Variants in FAM13A observed in about 807,000 individuals in gnomAD.
The protein encoded by FAM13A is protein FAM13A.
In FAM13A, 76 loss-of-function variants were observed where a neutral mutation model predicts 129.6. The ratio of observed to expected loss-of-function variants is 0.59; its 90% CI spans 0.49 to 0.71. FAM13A has a LOEUF of 0.71. Among genes scored for constraint, FAM13A ranks in the 30% least tolerant of loss-of-function variants. The pLI is 0.00. For synonymous variants in FAM13A, 443 were observed against 449.9 expected, an observed-to-expected ratio of 0.98 and a Z score of 0.20; for missense variants, 1,108 against 1,249.3, an observed-to-expected ratio of 0.89 and a Z score of 1.70.
At chr4:88,851,302 C>G (rs1010486959) in intron 6 of FAM13A, 119 bp from the exon 7 acceptor site, 6 of 800,122 alleles carry the variant, frequency 7.5e-6, no homozygotes, top group Non-Finnish European at 1.1e-5. Context: ...TTATAACACC[C>G]CAGAAAAATA....
chr4:88,841,993 T>C (rs139390494), intron 7 of FAM13A, among the ~76,000 whole-genome samples: 92 of 152,204 alleles, frequency 6.0e-4, no homozygotes, highest in African/African-American at 2.1e-3. Flanking sequence ...AAAAAGTAGA[T>C]CCAACCCAAA....
At chr4:89,018,037 A>G (rs533817562) in intron 3 of FAM13A, among the ~76,000 whole-genome samples, 9 of 152,308 alleles carry the variant, frequency 5.9e-5, no homozygotes. Flanking sequence ...TGAAGTAGCT[A>G]AGATTACAAA....
intron 4 of FAM13A, among the ~76,000 whole-genome samples, chr4:88,984,290 A>T (rs908699328): frequency 6.6e-6 from 1 of 152,198 alleles, no homozygotes; most frequent in Non-Finnish European, 1.5e-5. Flanking sequence ...AAACAGATAC[A>T]TTGCACTCCA....
chr4:88,947,842 CATAG>C (rs148465502), intron 4 of FAM13A, among the ~76,000 whole-genome samples: 25,175 of 151,846 alleles, frequency 0.17, 2,617 homozygotes, highest in East Asian at 0.35. Context: ...AGTTGAAAGT[CATAG>C]ATAGATATTC....
At chr4:88,912,011 G>T (rs1479442541) in intron 5 of FAM13A, among the ~76,000 whole-genome samples, 2 of 152,160 alleles carry the variant, frequency 1.3e-5, no homozygotes, top group African/African-American at 4.8e-5. Context: ...TCTTACTCTT[G>T]TTCTTAGTAA....
rs200106248 is a variant in FAM13A, at chr4:88,805,001, A to C, written c.1049+10T>G. On this transcript the variant is annotated intron_variant, in intron 8 of 23. Coordinates refer to ENST00000264344, the MANE Select transcript of FAM13A (RefSeq NM_014883.4). ...TCCCTGTAGTAGACCAACAAAAATC[A>C]AATAAATACCTCAAATAGAAAGGTG... 2.6e-6 allele frequency: 4 copies of C among 1,536,554 alleles called. No homozygotes were observed. The South Asian group carries it at 4.5e-5, about 17-fold the overall frequency.
At chr4:88,943,128 C>G (rs563847160) in intron 4 of FAM13A, among the ~76,000 whole-genome samples, 90 of 152,308 alleles carry the variant, frequency 5.9e-4, no homozygotes, top group African/African-American at 2.1e-3. Flanking sequence ...CTATTATTCA[C>G]AGTGATTTGT....
intron 5 of FAM13A, among the ~76,000 whole-genome samples, chr4:88,907,471 T>C (rs1244255539): frequency 6.6e-6 from 1 of 152,236 alleles, no homozygotes; most frequent in Non-Finnish European, 1.5e-5. Flanking sequence ...TATTCATTTA[T>C]TTCTAAAGGG....
At chr4:88,971,132 G>A (rs1442075312) in intron 4 of FAM13A, among the ~76,000 whole-genome samples, 1 of 152,148 alleles carries the variant, frequency 6.6e-6, no homozygotes, top group Non-Finnish European at 1.5e-5. Context: ...GCAGGAGAAT[G>A]GCATGAACCC....
intron 5 of FAM13A, among the ~76,000 whole-genome samples, chr4:88,929,669 GTC>G (rs1752741890): frequency 2.0e-5 from 3 of 151,920 alleles, no homozygotes; most frequent in African/African-American, 7.3e-5. Context: ...ACTTGGTCAA[GTC>G]TATTATTGGA....
At chr4:88,953,239 G>C (rs1757222548) in intron 4 of FAM13A, among the ~76,000 whole-genome samples, 1 of 151,940 alleles carries the variant, frequency 6.6e-6, no homozygotes, top group South Asian at 2.1e-4. Context: ...CAGACCACCT[G>C]AGGTCAAGAG....
At chr4:89,010,742 T>C (rs895180294) in intron 3 of FAM13A, among the ~76,000 whole-genome samples, 1 of 152,196 alleles carries the variant, frequency 6.6e-6, no homozygotes, top group African/African-American at 2.4e-5. Flanking sequence ...TGTGGTTCTG[T>C]GGACCCCATC....
intron 5 of FAM13A, among the ~76,000 whole-genome samples, chr4:88,920,360 A>AG (rs1445260769): frequency 1.3e-5 from 2 of 152,300 alleles, no homozygotes; most frequent in Non-Finnish European, 2.9e-5. Context: ...AAACTTTCAG[A>AG]GGAACGATCA....
intron 4 of FAM13A, among the ~76,000 whole-genome samples, chr4:88,966,914 A>G (rs1334837489): frequency 1.3e-5 from 2 of 152,150 alleles, no homozygotes; most frequent in Non-Finnish European, 2.9e-5. Context: ...CCTGGTCTCA[A>G]TATTCTCTAA....
chr4:88,744,614 A>G (rs1740914714), intron 19 of FAM13A, among the ~76,000 whole-genome samples: 1 of 152,156 alleles, frequency 6.6e-6, no homozygotes, highest in African/African-American at 2.4e-5. Flanking sequence ...TGGGGTTTGG[A>G]ACAATAGTTT....
chr4:88,970,827 G>A (rs377034616), intron 4 of FAM13A, among the ~76,000 whole-genome samples: 6 of 152,010 alleles, frequency 3.9e-5, no homozygotes, highest in African/African-American at 1.4e-4. Context: ...CAAAGAGAGG[G>A]ATAATAAAAA....
At chr4:89,038,857 G>T (rs1006161003) in intron 1 of FAM13A, among the ~76,000 whole-genome samples, 7 of 152,110 alleles carry the variant, frequency 4.6e-5, no homozygotes, top group African/African-American at 1.7e-4. Context: ...GGTTGTTGGA[G>T]AATATGATTT....
intron 6 of FAM13A, among the ~76,000 whole-genome samples, chr4:88,866,785 A>G (rs1005663553): frequency 6.6e-6 from 1 of 152,208 alleles, no homozygotes; most frequent in Admixed American, 6.5e-5. Context: ...ACCATTAAAT[A>G]GAATGTTTTA....
At chr4:88,832,304 T>C (rs1281443212) in intron 7 of FAM13A, among the ~76,000 whole-genome samples, 2 of 152,128 alleles carry the variant, frequency 1.3e-5, no homozygotes. Context: ...ATCTTGGCAA[T>C]ACCATTCAGG....
Sources: allele counts gnomAD v4.1 joint callset (sites outside exome capture counted in the v4.1 genomes callset), GRCh38; gene constraint gnomAD v4.1.1; transcripts MANE v1.5; gene names NCBI Gene and HGNC (gene_info 2026-07-23, HGNC 2026-07-21).